Variants in BST2 observed in about 807,000 individuals in gnomAD.
BST2 encodes bone marrow stromal antigen 2.
BST2 carries 10 observed loss-of-function variants against 18.6 expected under a neutral mutation model. That is an observed-to-expected ratio of 0.54 (90% CI 0.33 to 0.91). The LOEUF (loss-of-function observed/expected upper bound fraction) is 0.91. BST2 is among the 40% of genes least tolerant of loss of function. The pLI is 0.02. For missense variants in BST2, 183 were observed against 228.4 expected (o/e 0.80, Z 1.28); for synonymous variants, 75 against 96.8 (o/e 0.77, Z 1.32).
rs1193284402 is a variant in BST2, at chr19:17,403,154, G to A, written c.*188C>T. 3 of 987,204 alleles carry A rather than the reference G, an allele frequency of 3.0e-6. No individual in the cohort carries two copies. The highest frequency in any genetic ancestry group is 2.3e-4 in the East Asian group (2 of 8,824). The allele number at this position is 987,204 out of a possible 1,614,324, so 61.2% of individuals were successfully genotyped here. ...GACAGCCCTGGGTCAACCCGACTGT[G>A]TCCCCACACCCAGGACTTCCCCATG... is the stretch of plus-strand genomic sequence containing the variant. On this transcript the variant is annotated 3_prime_UTR_variant, in exon 5 of 5. Coordinates refer to ENST00000252593, the MANE Select transcript of BST2 (RefSeq NM_004335.4).
rs1184064183 is a variant in BST2, at chr19:17,405,558, A to G, written c.18T>C (p.Tyr6=). 6.2e-7 allele frequency: 1 copy of G among 1,609,756 alleles called. No homozygotes were observed. Among genetic ancestry groups the G allele is most frequent in the East Asian group, 2.2e-5 (1 of 44,774 alleles). ...CTTCCATGGGCACTCTGCAATAGTCATACGAAGTAGATGCCATCCAGATCT... is the reference window on the plus strand; with the variant it reads ...CTTCCATGGGCACTCTGCAATAGTCGTACGAAGTAGATGCCATCCAGATCT... MASTS[Y]DYCRVPMEDG... is the part of the protein sequence containing the mutation. Residue 6 remains tyrosine, a synonymous_variant, in exon 1 of 5, where the codon TAT becomes TAC. Coordinates refer to ENST00000252593, the MANE Select transcript of BST2 (RefSeq NM_004335.4).
At chr19:17,404,792 C>G (rs933319087) in intron 1 of BST2, among the ~76,000 whole-genome samples, 1 of 152,166 alleles carries the variant, frequency 6.6e-6, no homozygotes, top group Non-Finnish European at 1.5e-5. Flanking sequence ...AGTGGGATTT[C>G]CCCGCCCAAG....
chr19:17,405,030 C>T (rs2074717925), intron 1 of BST2, among the ~76,000 whole-genome samples: 1 of 152,272 alleles, frequency 6.6e-6, no homozygotes, highest in Admixed American at 6.5e-5. Flanking sequence ...TCACCTAAGT[C>T]CCAGGGGGAT....
rs1246890780 is a variant in BST2 at position 17,405,385 on chromosome 19, C to G, written c.191G>C (p.Arg64Pro). ...RDGLRAVMEC[R>P]NVTHLLQQEL... ...TTGTTGCAGGAGATGGGTGACATTG[C>G]GACACTCCATCACTGCCCGAAGGCC... Residue 64 changes from arginine (R) to proline (P), a missense_variant, in exon 1 of 5, where the codon CGC becomes CCC. Physicochemically the swap from Arg to Pro is moderately radical, Grantham distance 103 (BLOSUM62 -2). Coordinates refer to ENST00000252593, the MANE Select transcript of BST2 (RefSeq NM_004335.4). 3.5e-5 allele frequency: 56 copies of G among 1,614,110 alleles called. No homozygotes were observed. The highest frequency in any genetic ancestry group is 4.7e-5 in the Non-Finnish European group (55 of 1,180,046).
intron 1 of BST2, 51 bp from the exon 2 acceptor site, chr19:17,404,488 C>T (rs779219212): frequency 6.2e-7 from 1 of 1,613,510 alleles, no homozygotes; most frequent in South Asian, 1.1e-5. Context: ...TGGCTGCTGC[C>T]CCTGGGACCT....
At chr19:17,403,930 T>C in intron 3 of BST2, 106 bp from the exon 4 acceptor site, 2 of 1,466,350 alleles carry the variant, frequency 1.4e-6, no homozygotes, top group Non-Finnish European at 1.8e-6. Flanking sequence ...CCAATCCAAG[T>C]CACCGGGGAG....
intron 1 of BST2, 150 bp downstream of exon 1, chr19:17,405,141 C>G (rs927982813): frequency 7.6e-6 from 8 of 1,058,142 alleles, no homozygotes; most frequent in Non-Finnish European, 1.1e-5. Flanking sequence ...GGTAGGGGAA[C>G]CTAGGTCCCT....
chr19:17,403,949 C>G (rs921777654), intron 3 of BST2, 125 bp from the exon 4 acceptor site: 235 of 1,392,532 alleles, frequency 1.7e-4, no homozygotes, highest in Admixed American at 3.8e-4. Flanking sequence ...AGGGAATGGA[C>G]AGCGGCCACC....
rs948355000 is a variant in BST2, at chr19:17,402,950, C to T, written c.*392G>A. Reference sequence around the variant, plus strand: ...CAGGAACTCGAGAGTCAGGTGTGCTCTCCCTCAAAGGAAGTGTTTATTTTT... The same window carrying T: ...CAGGAACTCGAGAGTCAGGTGTGCTTTCCCTCAAAGGAAGTGTTTATTTTT... On this transcript the variant is annotated 3_prime_UTR_variant, in exon 5 of 5. Transcript: ENST00000252593. The T allele has an allele frequency of 2.1e-5, 21 of 985,140 alleles. No individual in the cohort carries two copies. Among genetic ancestry groups the T allele is most frequent in the Non-Finnish European group, 2.2e-5 (18 of 829,930 alleles). The allele number at this position is 985,140 out of a possible 1,614,324, so 61.0% of individuals were successfully genotyped here.
At chr19:17,403,997 G>C in intron 3 of BST2, 132 bp downstream of exon 3, 1 of 1,329,994 alleles carries the variant, frequency 7.5e-7, no homozygotes, top group South Asian at 1.3e-5. Flanking sequence ...TTATCCTTTT[G>C]TGGGACTCAA....
At chr19:17,404,037 G>T in intron 3 of BST2, 92 bp downstream of exon 3, 1 of 1,433,046 alleles carries the variant, frequency 7.0e-7, no homozygotes, top group South Asian at 1.2e-5. Context: ...TGGGGATTTT[G>T]GGAGCAAAGG....
rs1053419722 is a variant in BST2, at chr19:17,403,304, A to C, written c.*38T>G. The C allele has an allele frequency of 3.7e-6, 4 of 1,071,114 alleles. No homozygotes were observed. The highest frequency in any genetic ancestry group is 3.4e-6 in the Non-Finnish European group (3 of 879,442). 66.4% of individuals were successfully genotyped at this position (1,071,114 alleles called of 1,614,324 possible). On this transcript the variant is annotated 3_prime_UTR_variant, in exon 5 of 5. Coordinates refer to ENST00000252593, the MANE Select transcript of BST2 (RefSeq NM_004335.4). ...GGAATGTTCAAGCGAAAAGCCGAGC[A>C]GGACGGACCTTCCAAGATGTGCCTA... is the stretch of plus-strand genomic sequence containing the variant.
chr19:17,404,619 T>C, intron 1 of BST2, 182 bp from the exon 2 acceptor site: 1 of 838,144 alleles, frequency 1.2e-6, no homozygotes, highest in South Asian at 1.8e-5. Flanking sequence ...CCACACACTC[T>C]CCCAGGGCCA....
intron 4 of BST2, 38 bp from the exon 5 acceptor site, chr19:17,403,364 G>T: frequency 8.6e-7 from 1 of 1,167,000 alleles, no homozygotes; most frequent in Non-Finnish European, 1.1e-6. Context: ...CAGACTGGAG[G>T]CAGCAGACAC....
chr19:17,404,974 A>C (rs1165248096), intron 1 of BST2, among the ~76,000 whole-genome samples: 1 of 152,100 alleles, frequency 6.6e-6, no homozygotes, highest in Non-Finnish European at 1.5e-5. Context: ...GCCCACGAGG[A>C]GTTTCAAGGC....
rs748326089 is a variant in BST2 at position 17,405,559 on chromosome 19, T to C, written c.17A>G (p.Tyr6Cys). 12 of 1,608,820 alleles carry C rather than the reference T, an allele frequency of 7.5e-6. No individual in the cohort carries two copies. The highest frequency in any genetic ancestry group is 8.5e-6 in the Non-Finnish European group (10 of 1,178,484). The change falls in exon 1 of 5, where the codon TAT becomes TGT. Residue 6 changes from tyrosine to cysteine, a missense_variant. Coordinates refer to ENST00000252593, the MANE Select transcript of BST2 (RefSeq NM_004335.4). MASTS[Y>C]DYCRVPMEDG... is the part of the protein sequence containing the mutation. ...TTCCATGGGCACTCTGCAATAGTCA[T>C]ACGAAGTAGATGCCATCCAGATCTC... is the stretch of plus-strand genomic sequence containing the variant.
intron 1 of BST2, among the ~76,000 whole-genome samples, chr19:17,404,752 A>T (rs2074716146): frequency 6.6e-6 from 1 of 152,188 alleles, no homozygotes; most frequent in South Asian, 2.1e-4. Context: ...GCCCAAGAAA[A>T]GTTAGAGGGC....
intron 2 of BST2, 56 bp downstream of exon 2, chr19:17,404,315 C>G: frequency 6.6e-7 from 1 of 1,515,634 alleles, no homozygotes. Flanking sequence ...TGCCCCCACC[C>G]CCTCTTCCAT....
intron 1 of BST2, 65 bp downstream of exon 1, chr19:17,405,226 G>A (rs2074719268): frequency 6.6e-7 from 1 of 1,504,086 alleles, no homozygotes; most frequent in Non-Finnish European, 8.9e-7. Context: ...TCAGATTTCT[G>A]GGGAGAGATT....
Sources: allele counts gnomAD v4.1 joint callset (sites outside exome capture counted in the v4.1 genomes callset), GRCh38; gene constraint gnomAD v4.1.1; transcripts MANE v1.5; gene names NCBI Gene and HGNC (gene_info 2026-07-23, HGNC 2026-07-21).